Variants in RAB38 observed in about 807,000 individuals in gnomAD.
RAB38 encodes ras-related protein Rab-38.
RAB38 carries 15 observed loss-of-function variants against 18.4 expected under a neutral mutation model. The observed-to-expected ratio is 0.82, with a 90% CI of 0.55 to 1.26. RAB38 has a LOEUF of 1.26. Ranked by LOEUF, RAB38 falls within the 50% of genes most tolerant of loss-of-function variation. RAB38 has a pLI of 0.00. For missense variants in RAB38, 294 were observed against 267.4 expected, an observed-to-expected ratio of 1.10 and a Z score of -0.69; for synonymous variants, 101 against 104.4, an observed-to-expected ratio of 0.97 and a Z score of 0.20.
At chr11:88,171,487 A>G (rs1406256404) in intron 1 of RAB38, among the ~76,000 whole-genome samples, 1 of 152,256 alleles carries the variant, frequency 6.6e-6, no homozygotes, top group Non-Finnish European at 1.5e-5. Context: ...ATATTTTCAG[A>G]GTATCTAAAT....
the RAB38 span, among the ~76,000 whole-genome samples, chr11:88,050,723 T>C: frequency 1.3e-5 from 2 of 152,200 alleles, no homozygotes; most frequent in Non-Finnish European, 2.9e-5. Flanking sequence ...CTGATTCTTG[T>C]TCCAGTTAAG....
chr11:88,132,120 A>C (rs1942773349), intron 2 of RAB38, among the ~76,000 whole-genome samples: 1 of 152,196 alleles, frequency 6.6e-6, no homozygotes, highest in Non-Finnish European at 1.5e-5. Context: ...TGAGTAAAGG[A>C]CCCAACCAAC....
the RAB38 span, among the ~76,000 whole-genome samples, chr11:88,035,254 A>C: frequency 6.6e-6 from 1 of 152,084 alleles, no homozygotes; most frequent in Non-Finnish European, 1.5e-5. Flanking sequence ...TAATGAAGTA[A>C]ATTTTATTAA....
At chr11:88,129,629 G>A (rs1414101203) in intron 2 of RAB38, among the ~76,000 whole-genome samples, 2 of 152,110 alleles carry the variant, frequency 1.3e-5, no homozygotes, top group African/African-American at 2.4e-5. Flanking sequence ...GGGCGACAAA[G>A]TGAGACTCCA....
chr11:87,965,803 G>C, the RAB38 span, among the ~76,000 whole-genome samples: 1 of 152,162 alleles, frequency 6.6e-6, no homozygotes, highest in African/African-American at 2.4e-5. Flanking sequence ...AACCAGGACA[G>C]AGGGAGTTAG....
At chr11:88,144,433 C>G (rs1942955097) in intron 2 of RAB38, among the ~76,000 whole-genome samples, 1 of 152,134 alleles carries the variant, frequency 6.6e-6, no homozygotes, top group African/African-American at 2.4e-5. Flanking sequence ...CTTCCTACGG[C>G]TGGAAATTCC....
the RAB38 span, among the ~76,000 whole-genome samples, chr11:87,864,187 C>T: frequency 3.3e-5 from 5 of 151,616 alleles, no homozygotes; most frequent in Admixed American, 1.3e-4. Flanking sequence ...TGACACCCTA[C>T]GAGAAAACAT....
In RAB38 at chr11:88,166,616, C is replaced by T. The variant is rs116831573; in HGVS notation, c.202+8567G>A. 1,220 of 151,992 alleles carry T rather than the reference C, an allele frequency of 8.0e-3. 13 individuals are homozygous for T. Among genetic ancestry groups the T allele is most frequent in the African/African-American group, 0.027 (1,135 of 41,448 alleles). The allele number at this position is 151,992 out of a possible 1,614,324, so 9.4% of individuals were successfully genotyped here. A position where few individuals can be genotyped will look rare whatever the true frequency, so the allele number is the denominator to read the frequency against. ...CGAAGTTATTATTTTATATAATATA[C>T]GCTTAAATTTTAAAAAAGATATAGT... On this transcript the variant is annotated intron_variant, in intron 1 of 2. Transcript: ENST00000243662.
chr11:88,057,663 T>C, the RAB38 span, among the ~76,000 whole-genome samples: 2 of 152,292 alleles, frequency 1.3e-5, no homozygotes, highest in East Asian at 1.9e-4. Flanking sequence ...GGAGGTCTTG[T>C]CTAGTGTTCT....
rs57637753 is a variant in RAB38, at chr11:88,151,933, C to T, written c.203-1978G>A. Reference sequence around the variant, plus strand: ...CATGACAATCTTACAGTATTTCTTACGTGGGTTATACCAGAGACGCATTTT... The same window carrying T: ...CATGACAATCTTACAGTATTTCTTATGTGGGTTATACCAGAGACGCATTTT... On this transcript the variant is annotated intron_variant, in intron 1 of 2. Coordinates refer to ENST00000243662, the MANE Select transcript of RAB38 (RefSeq NM_022337.3). Among the ~76,000 whole-genome samples, 142 of 152,300 alleles carry T rather than the reference C, an allele frequency of 9.3e-4. 2 individuals carry two copies. The East Asian group carries it at 0.025, about 26-fold the overall frequency.
At chr11:87,884,730 C>T in the RAB38 span, among the ~76,000 whole-genome samples, 1 of 151,920 alleles carries the variant, frequency 6.6e-6, no homozygotes, top group African/African-American at 2.4e-5. Flanking sequence ...ATATCAAAAT[C>T]AGTTGAGGGA....
At chr11:88,019,140 C>A in the RAB38 span, among the ~76,000 whole-genome samples, 2 of 151,916 alleles carry the variant, frequency 1.3e-5, no homozygotes, top group Non-Finnish European at 2.9e-5. Flanking sequence ...AACTGATTTC[C>A]ATAAACTGGA....
the RAB38 span, among the ~76,000 whole-genome samples, chr11:88,003,969 A>T: frequency 3.9e-5 from 5 of 127,358 alleles, no homozygotes; most frequent in African/African-American, 1.5e-4. Context: ...ACCTATATAT[A>T]AAGGTATATG....
chr11:87,932,762 A>T, the RAB38 span, among the ~76,000 whole-genome samples: 1 of 152,032 alleles, frequency 6.6e-6, no homozygotes, highest in East Asian at 1.9e-4. Flanking sequence ...TGTAGGCAAA[A>T]ACCACCTGAC....
At chr11:88,158,160 A>C (rs954522839) in intron 1 of RAB38, among the ~76,000 whole-genome samples, 4 of 152,160 alleles carry the variant, frequency 2.6e-5, no homozygotes, top group African/African-American at 9.7e-5. Context: ...ACTTCTTTGC[A>C]AACACACTAG....
chr11:87,940,904 T>C, the RAB38 span, among the ~76,000 whole-genome samples: 1 of 151,914 alleles, frequency 6.6e-6, no homozygotes, highest in Non-Finnish European at 1.5e-5. Flanking sequence ...AGTGCTGAGA[T>C]TACAGGCATA....
chr11:88,064,655 T>C, the RAB38 span, among the ~76,000 whole-genome samples: 11 of 152,364 alleles, frequency 7.2e-5, no homozygotes, highest in African/African-American at 2.6e-4. Context: ...ATTTATGTTT[T>C]GGATAAAAGC....
chr11:88,052,935 T>TATATATATATATTTC, the RAB38 span, among the ~76,000 whole-genome samples: 1 of 85,790 alleles, frequency 1.2e-5, no homozygotes, highest in East Asian at 3.6e-4. Context: ...TATATATATA[T>TATATATATATATTTC]ATATATATAA....
At chr11:88,033,237 G>A in the RAB38 span, among the ~76,000 whole-genome samples, 1 of 152,018 alleles carries the variant, frequency 6.6e-6, no homozygotes, top group Non-Finnish European at 1.5e-5. Context: ...TGGCGTGGGA[G>A]GAGGGGGGAG....
Sources: allele counts gnomAD v4.1 joint callset (sites outside exome capture counted in the v4.1 genomes callset), GRCh38; gene constraint gnomAD v4.1.1; transcripts MANE v1.5; gene names NCBI Gene and HGNC (gene_info 2026-07-23, HGNC 2026-07-21).